The following AGBL1 variants were observed in gnomAD, a reference collection of about 807,000 sequenced individuals.
AGBL1 encodes AGBL carboxypeptidase 1.
AGBL1 carries 130 observed loss-of-function variants against 118.9 expected under a neutral mutation model. That is an observed-to-expected ratio of 1.09 (90% confidence interval 0.95 to 1.26). The LOEUF is 1.26. Among genes scored for constraint, AGBL1 ranks in the 50% most tolerant of loss-of-function variants. The pLI is 0.00. For synonymous variants in AGBL1, 555 were observed against 478.9 expected (o/e 1.16, Z -2.08); for missense variants, 1,584 against 1,298.1 (o/e 1.22, Z -3.38).
intron 22 of AGBL1, among the ~76,000 whole-genome samples, chr15:86,679,874 GA>G (rs1372488452): frequency 6.6e-6 from 1 of 151,914 alleles, no homozygotes; most frequent in African/African-American, 2.4e-5. Context: ...CATTTCTAAG[GA>G]AAATGTATCT....
At chr15:86,792,623 C>T (rs1050041273) in intron 22 of AGBL1, among the ~76,000 whole-genome samples, 3 of 152,022 alleles carry the variant, frequency 2.0e-5, no homozygotes, top group African/African-American at 7.2e-5. Context: ...ACCTGGCCTG[C>T]ACCTTTAAAA....
intron 22 of AGBL1, among the ~76,000 whole-genome samples, chr15:86,895,086 ATCTTCCCTCCTTCCCTTTCTTTTT>A (rs1206826332): frequency 3.5e-4 from 52 of 147,092 alleles, no homozygotes; most frequent in African/African-American, 1.2e-3. Flanking sequence ...CCTTTCTTTT[ATCTTCCCTCCTTCCCTTTCTTTTT>A]TCCTTCCTTT....
At chr15:86,477,657 C>A (rs146688724) in intron 18 of AGBL1, among the ~76,000 whole-genome samples, 1 of 152,054 alleles carries the variant, frequency 6.6e-6, no homozygotes, top group Non-Finnish European at 1.5e-5. Context: ...AGAGGTACAA[C>A]GAGGAGCTGG....
At chr15:86,390,895 C>T (rs572735287) in intron 17 of AGBL1, among the ~76,000 whole-genome samples, 1 of 151,632 alleles carries the variant, frequency 6.6e-6, no homozygotes, top group East Asian at 1.9e-4. Flanking sequence ...GTCTTGAAAT[C>T]CTGACCTCAG....
At chr15:86,198,912 G>A (rs2077860023) in intron 5 of AGBL1, among the ~76,000 whole-genome samples, 1 of 152,072 alleles carries the variant, frequency 6.6e-6, no homozygotes, top group Non-Finnish European at 1.5e-5. Context: ...CTATATCAAT[G>A]TGATAAAAAT....
intron 22 of AGBL1, among the ~76,000 whole-genome samples, chr15:86,760,905 T>G (rs1436829087): frequency 6.6e-6 from 1 of 151,996 alleles, no homozygotes; most frequent in African/African-American, 2.4e-5. Context: ...AGTGGACAGT[T>G]CAGTAAAACT....
At chr15:86,654,967 T>C (rs1195869244) in intron 21 of AGBL1, among the ~76,000 whole-genome samples, 2 of 152,106 alleles carry the variant, frequency 1.3e-5, no homozygotes, top group Non-Finnish European at 2.9e-5. Flanking sequence ...GCTCCTACTT[T>C]TCAGAGCAGC....
intron 6 of AGBL1, among the ~76,000 whole-genome samples, chr15:86,229,230 C>T (rs1166503143): frequency 6.6e-6 from 1 of 152,118 alleles, no homozygotes; most frequent in African/African-American, 2.4e-5. Context: ...GAAGAAATAC[C>T]TGAGGCTGGG....
chr15:86,150,581 T>C (rs961082082), intron 3 of AGBL1, among the ~76,000 whole-genome samples: 3 of 152,026 alleles, frequency 2.0e-5, no homozygotes, highest in African/African-American at 4.8e-5. Context: ...CAGGAAGAAG[T>C]TGAATCTCTG....
intron 22 of AGBL1, among the ~76,000 whole-genome samples, chr15:86,825,498 A>G (rs2078996104): frequency 6.6e-6 from 1 of 151,244 alleles, no homozygotes; most frequent in South Asian, 2.1e-4. Context: ...ACTCAACAGT[A>G]AAAGTTCAAA....
At position 86,143,790 on chromosome 15, in the gene AGBL1, A is replaced by G. The variant is rs2076996467; in HGVS notation, c.207A>G (p.Pro69=). Residue 69 remains proline, a synonymous_variant, in exon 3 of 23, where the codon CCA becomes CCG. Transcript: ENST00000614907. The part of the protein sequence containing the change: ...TLVDTARTAP[P]DYDILLPLFR... ...TAGACACAGCGAGGACAGCTCCTCC[A>G]GACTATGACATCCTCCTGCCTCTCT... is the stretch of plus-strand genomic sequence containing the variant. The G allele has an allele frequency of 1.9e-6, 3 of 1,613,802 alleles. No homozygotes were observed. Among genetic ancestry groups the G allele is most frequent in the Non-Finnish European group, 2.5e-6 (3 of 1,179,826 alleles).
At chr15:86,463,691 T>C (rs1464707573) in intron 18 of AGBL1, among the ~76,000 whole-genome samples, 1 of 152,210 alleles carries the variant, frequency 6.6e-6, no homozygotes, top group Non-Finnish European at 1.5e-5. Context: ...ATTTATTAAA[T>C]AGGGAATCCT....
intron 3 of AGBL1, among the ~76,000 whole-genome samples, chr15:86,152,960 G>C (rs914497717): frequency 1.3e-5 from 2 of 152,214 alleles, no homozygotes; most frequent in African/African-American, 2.4e-5. Context: ...ACCACAATGA[G>C]ATACCATCTC....
chr15:86,323,516 A>C (rs2080137084), intron 17 of AGBL1, among the ~76,000 whole-genome samples: 1 of 152,196 alleles, frequency 6.6e-6, no homozygotes, highest in Non-Finnish European at 1.5e-5. Flanking sequence ...TCCATCCACT[A>C]TCAGGAGAAA....
intron 16 of AGBL1, among the ~76,000 whole-genome samples, chr15:86,280,663 G>T (rs2079337445): frequency 6.6e-6 from 1 of 152,168 alleles, no homozygotes; most frequent in Non-Finnish European, 1.5e-5. Flanking sequence ...TTAGCCTGAA[G>T]GATGAGCATT....
At chr15:86,647,694 C>G (rs1368953418) in intron 21 of AGBL1, among the ~76,000 whole-genome samples, 1 of 151,972 alleles carries the variant, frequency 6.6e-6, no homozygotes, top group Non-Finnish European at 1.5e-5. Flanking sequence ...GAGCAAGACT[C>G]TGTCTCAAAA....
In AGBL1 at chr15:86,765,572, G is replaced by A. The variant is rs551174071; in HGVS notation, c.3158+91136G>A. 3.3e-5 allele frequency among the ~76,000 whole-genome samples: 5 copies of A among 152,074 alleles called. No individual in the cohort carries two copies. The East Asian group carries it at 9.7e-4, about 30-fold the overall frequency. ...GATGGGGAACACATTCCACATGGTA[G>A]GGACAGCATTTACGATTCCCTGGAG... On this transcript the variant is annotated intron_variant, in intron 22 of 22. Transcript: ENST00000614907.
intron 5 of AGBL1, among the ~76,000 whole-genome samples, chr15:86,218,623 G>T (rs1162765315): frequency 6.6e-6 from 1 of 152,196 alleles, no homozygotes; most frequent in Non-Finnish European, 1.5e-5. Flanking sequence ...AGAGGTCATT[G>T]CATATGTACT....
intron 1 of AGBL1, among the ~76,000 whole-genome samples, chr15:86,110,527 G>A (rs576815705): frequency 5.9e-5 from 9 of 152,184 alleles, no homozygotes; most frequent in South Asian, 2.1e-4. Context: ...AGGAAGAGGC[G>A]GGGTTGGTCT....
Sources: gnomAD v4.1 joint callset for allele counts (sites outside exome capture counted in the v4.1 genomes callset) on GRCh38, gnomAD v4.1.1 for gene constraint, MANE v1.5 for transcripts, NCBI Gene and HGNC (gene_info 2026-07-23, HGNC 2026-07-21) for gene names.